The following ISM1 variants were observed in gnomAD, a reference collection of about 807,000 sequenced individuals.
The protein encoded by ISM1 is isthmin 1.
A neutral mutation model predicts 46.3 loss-of-function variants in ISM1; 25 were observed. The observed-to-expected ratio is 0.54, with a 90% CI of 0.39 to 0.75. ISM1 has a LOEUF of 0.75. Ranked by LOEUF, ISM1 falls within the 30% of genes least tolerant of loss-of-function variation. The pLI is 0.00. For missense variants in ISM1, 536 were observed against 625.4 expected (o/e 0.86, Z 1.52); for synonymous variants, 255 against 256.7 (o/e 0.99, Z 0.06).
At chr20:13,266,101 C>G (rs1363555596) in intron 1 of ISM1, among the ~76,000 whole-genome samples, 1 of 152,194 alleles carries the variant, frequency 6.6e-6, no homozygotes, top group Non-Finnish European at 1.5e-5. Flanking sequence ...ACTTACTCCT[C>G]ATGGGGCAGA....
At chr20:13,239,208 A>C (rs1250210928) in intron 1 of ISM1, 1 of 152,228 alleles carries the variant, frequency 6.6e-6, no homozygotes, top group Non-Finnish European at 1.5e-5. Flanking sequence ...TCAGGAAAAA[A>C]TCTGTGGCAG....
chr20:13,234,090 G>T (rs1216743393), intron 1 of ISM1, among the ~76,000 whole-genome samples: 1 of 152,098 alleles, frequency 6.6e-6, no homozygotes, highest in Non-Finnish European at 1.5e-5. Context: ...ATTGTACCCA[G>T]TGAGTAATTT....
the ISM1 span, among the ~76,000 whole-genome samples, chr20:13,320,808 G>A: frequency 6.6e-6 from 1 of 152,108 alleles, no homozygotes; most frequent in East Asian, 1.9e-4. Flanking sequence ...GAGTGGGAAA[G>A]GGCTTCCCAG....
intron 3 of ISM1, 42 bp from the exon 4 acceptor site, chr20:13,288,498 C>T (rs887936902): frequency 6.2e-7 from 1 of 1,601,940 alleles, no homozygotes; most frequent in Non-Finnish European, 8.5e-7. Context: ...TTGGGAGACT[C>T]TTTGGCCAAA....
At chr20:13,315,922 C>G in the ISM1 span, among the ~76,000 whole-genome samples, 3 of 151,866 alleles carry the variant, frequency 2.0e-5, no homozygotes, top group Non-Finnish European at 4.4e-5. Context: ...CATCTCAAGA[C>G]AAACTTTTAA....
chr20:13,312,065 T>C, the ISM1 span, among the ~76,000 whole-genome samples: 1 of 88,816 alleles, frequency 1.1e-5, no homozygotes, highest in Non-Finnish European at 2.5e-5. Context: ...AGTTAAGAAT[T>C]AATTAACTTT....
chr20:13,274,316 C>A (rs1204339737), intron 2 of ISM1, among the ~76,000 whole-genome samples: 6 of 152,182 alleles, frequency 3.9e-5, no homozygotes, highest in African/African-American at 1.4e-4. Context: ...CAGCAGACAG[C>A]CCTGCTGGTC....
At chr20:13,291,680 A>G (rs2040354453) in intron 4 of ISM1, among the ~76,000 whole-genome samples, 2 of 152,212 alleles carry the variant, frequency 1.3e-5, no homozygotes, top group Admixed American at 1.3e-4. Flanking sequence ...GCAAATTATG[A>G]GAAGCCCAAC....
At chr20:13,286,299 G>C (rs558741100) in intron 3 of ISM1, among the ~76,000 whole-genome samples, 1 of 151,984 alleles carries the variant, frequency 6.6e-6, no homozygotes, top group South Asian at 2.1e-4. Context: ...AGGTGACTGA[G>C]AGACACCAGA....
intron 2 of ISM1, among the ~76,000 whole-genome samples, chr20:13,275,566 G>A (rs1306423745): frequency 6.6e-6 from 1 of 152,184 alleles, no homozygotes. Context: ...GTAGCCCCAT[G>A]CGGGTTACTG....
chr20:13,249,432 G>T (rs2039839974), intron 1 of ISM1, among the ~76,000 whole-genome samples: 2 of 152,240 alleles, frequency 1.3e-5, no homozygotes, highest in Admixed American at 1.3e-4. Flanking sequence ...GGACAGACAT[G>T]GCAGGACCAC....
At chr20:13,249,966 T>A (rs1421372368) in intron 1 of ISM1, among the ~76,000 whole-genome samples, 2 of 152,224 alleles carry the variant, frequency 1.3e-5, no homozygotes, top group African/African-American at 4.8e-5. Flanking sequence ...TCCAAATTGA[T>A]GAAAATCCAG....
At chr20:13,269,319 T>A (rs2040084164) in intron 1 of ISM1, among the ~76,000 whole-genome samples, 1 of 152,072 alleles carries the variant, frequency 6.6e-6, no homozygotes, top group South Asian at 2.1e-4. Context: ...GGAAAAGGAG[T>A]CCAGCAACTT....
At chr20:13,284,762 A>G (rs979335471) in intron 3 of ISM1, among the ~76,000 whole-genome samples, 1 of 152,226 alleles carries the variant, frequency 6.6e-6, no homozygotes, top group Non-Finnish European at 1.5e-5. Flanking sequence ...GTCAGCCTCA[A>G]TAGAAATAAT....
At chr20:13,265,294 C>T (rs897429109) in intron 1 of ISM1, among the ~76,000 whole-genome samples, 3 of 152,272 alleles carry the variant, frequency 2.0e-5, no homozygotes, top group Admixed American at 2.0e-4. Context: ...ACATTGCTTC[C>T]TCTGAAAACC....
chr20:13,248,540 A>G (rs1388601083), intron 1 of ISM1, among the ~76,000 whole-genome samples: 1 of 152,230 alleles, frequency 6.6e-6, no homozygotes, highest in African/African-American at 2.4e-5. Flanking sequence ...ATTTCATAAT[A>G]AATAAGACCA....
At chr20:13,253,888 TATGTTTATACACACACATAAAA>T in intron 1 of ISM1, among the ~76,000 whole-genome samples, 1 of 151,878 alleles carries the variant, frequency 6.6e-6, no homozygotes, top group African/African-American at 2.4e-5. Context: ...TGTGTGTGTG[TATGTTTATACACACACATAAAA>T]ACACACTTAT....
At chr20:13,246,843 T>G (rs2039799969) in intron 1 of ISM1, among the ~76,000 whole-genome samples, 1 of 152,168 alleles carries the variant, frequency 6.6e-6, no homozygotes, top group Non-Finnish European at 1.5e-5. Flanking sequence ...CAATTTAGAG[T>G]CACTTGATAA....
At chr20:13,287,702 T>G (rs2040309388) in intron 3 of ISM1, among the ~76,000 whole-genome samples, 1 of 152,210 alleles carries the variant, frequency 6.6e-6, no homozygotes. Flanking sequence ...CCAAGAATTG[T>G]GCCTGACATA....
Sources: allele counts gnomAD v4.1 joint callset (sites outside exome capture counted in the v4.1 genomes callset), GRCh38; gene constraint gnomAD v4.1.1; transcripts MANE v1.5; gene names NCBI Gene and HGNC (gene_info 2026-07-23, HGNC 2026-07-21).